The following LRRC9 variants were observed in gnomAD, a reference collection of about 807,000 sequenced individuals.
LRRC9 encodes the protein leucine rich repeat containing 9, also known as leucine-rich repeat-containing protein 9.
In LRRC9, 122 loss-of-function variants were observed where a neutral mutation model predicts 63.2. The ratio of observed to expected loss-of-function variants is 1.93; its 90% CI spans 1.67 to 2.24. The LOEUF (loss-of-function observed/expected upper bound fraction) is 2.24, where lower values mean the gene tolerates loss of function less well. LRRC9 is among the 30% of genes most tolerant of loss of function. The probability of loss-of-function intolerance (pLI) is 0.00; values close to 1 mark genes in which losing one functional copy is unlikely to be tolerated. For missense variants in LRRC9, 1,071 were observed against 627.7 expected (o/e 1.71, Z -7.55); for synonymous variants, 366 against 213.1 (o/e 1.72, Z -6.25).
intron 12 of LRRC9, among the ~76,000 whole-genome samples, chr14:59,970,753 T>C (rs1427084556): frequency 1.3e-5 from 2 of 152,184 alleles, no homozygotes; most frequent in African/African-American, 4.8e-5. Flanking sequence ...TCTGTTCATA[T>C]CCTTTGCCCA....
intron 29 of LRRC9, among the ~76,000 whole-genome samples, chr14:60,032,553 G>A (rs191657563): frequency 6.6e-6 from 1 of 152,116 alleles, no homozygotes; most frequent in Admixed American, 6.6e-5. Flanking sequence ...AATTAGTTTG[G>A]GGAGACATTT....
rs1881405872 is a variant in LRRC9, at chr14:59,938,978, CAT to C, written c.726+412_726+413del. On this transcript the variant is annotated intron_variant, in intron 7 of 31. Coordinates refer to ENST00000445360, the Ensembl canonical transcript of LRRC9. This position sits in a 1 kb window ranked among gnomAD's most constrained non-coding sequence, Gnocchi z 4.2. Reference sequence around the variant, plus strand: ...ATATACACACATATATACATATATACATATATACACACATATATACATATACA... The same window carrying C: ...ATATACACACATATATACATATATACATATACACACATATATACATATACA... Among the ~76,000 whole-genome samples, 1 of 145,084 alleles carries C rather than the reference CAT, an allele frequency of 6.9e-6. No individual in the cohort carries two copies. The highest frequency in any genetic ancestry group is 2.5e-5 in the African/African-American group (1 of 39,364).
In LRRC9 at chr14:59,990,761, C is replaced by A. The variant is rs1281939924; in HGVS notation, c.2211+5537C>A. ...TGAACTCATCTGGTATTGAAGAGAA[C>A]AAAACTCCTCCCTATTTCAATTGCT... On this transcript the variant is annotated intron_variant, in intron 17 of 31. Transcript: ENST00000445360. This position sits in a 1 kb window ranked among gnomAD's most constrained non-coding sequence, Gnocchi z 4.2. Among the ~76,000 whole-genome samples the A allele has an allele frequency of 6.6e-6, 1 of 152,150 alleles. No homozygotes were observed. Among genetic ancestry groups the A allele is most frequent in the Non-Finnish European group, 1.5e-5 (1 of 68,014 alleles).
intron 29 of LRRC9, among the ~76,000 whole-genome samples, chr14:60,047,562 T>C (rs1893538518): frequency 1.3e-5 from 2 of 152,156 alleles, no homozygotes; most frequent in Admixed American, 1.3e-4. Context: ...ACAAGAGCAT[T>C]ACATAATGGT....
At chr14:59,998,817 G>C (rs1298488524) in intron 18 of LRRC9, among the ~76,000 whole-genome samples, 1 of 151,978 alleles carries the variant, frequency 6.6e-6, no homozygotes, top group East Asian at 1.9e-4. Flanking sequence ...AGATAAACAG[G>C]AGTCACTACA....
Position 59,922,090 on chromosome 14 carries a change from A to AAAAT in LRRC9, c.-34+2222_-34+2225dup, listed in dbSNP as rs1409120791. On this transcript the variant is annotated intron_variant, in intron 1 of 31. Transcript: ENST00000445360. This position sits in a 1 kb window ranked among gnomAD's most constrained non-coding sequence, Gnocchi z 5.3. ...CAAAGTGAGATTCTGTCTCAAAAAA[A>AAAAT]AAATAAATAAATAAATAAGAAAGAA... Among the ~76,000 whole-genome samples the AAAAT allele has an allele frequency of 6.6e-5, 10 of 152,002 alleles. No individual in the cohort carries two copies. Among genetic ancestry groups the AAAAT allele is most frequent in the African/African-American group, 1.2e-4 (5 of 41,464 alleles).
Position 59,938,094 on chromosome 14 carries a change from A to G in LRRC9, c.544-296A>G, listed in dbSNP as rs2139820232. ...CAAGAGGGGCTGTGTAGGGGAAGCA[A>G]CTTATTAATGAATAAATGTGCTCAC... is the stretch of plus-strand genomic sequence containing the variant. On this transcript the variant is annotated intron_variant, in intron 6 of 31. Transcript: ENST00000445360. The surrounding 1 kb of genome is among the most constrained non-coding windows in gnomAD (Gnocchi z 4.2). 6.6e-6 allele frequency among the ~76,000 whole-genome samples: 1 copy of G among 152,220 alleles called. No individual in the cohort carries two copies. Among genetic ancestry groups the G allele is most frequent in the African/African-American group, 2.4e-5 (1 of 41,548 alleles).
chr14:59,961,652 A>G (rs1884364276), intron 10 of LRRC9, among the ~76,000 whole-genome samples: 1 of 152,148 alleles, frequency 6.6e-6, no homozygotes. Flanking sequence ...ACAAAAATGG[A>G]GAGACACCAG....
Position 59,922,542 on chromosome 14 carries a change from G to T in LRRC9, c.-34+2659G>T, listed in dbSNP as rs1382957812. Among the ~76,000 whole-genome samples, 1 of 152,184 alleles carries T rather than the reference G, an allele frequency of 6.6e-6. No homozygotes were observed. Among genetic ancestry groups the T allele is most frequent in the East Asian group, 1.9e-4 (1 of 5,204 alleles). On this transcript the variant is annotated intron_variant, in intron 1 of 31. Transcript: ENST00000445360. The surrounding 1 kb of genome is among the most constrained non-coding windows in gnomAD (Gnocchi z 5.3). ...ATAAATGAAAGAGGAAAATTTGACAGCAGTATTCTGAAAGAGACAGATAAG... is the reference window on the plus strand; with the variant it reads ...ATAAATGAAAGAGGAAAATTTGACATCAGTATTCTGAAAGAGACAGATAAG...
intron 28 of LRRC9, chr14:60,030,509 T>C (rs1490145605): frequency 3.9e-5 from 6 of 152,076 alleles, no homozygotes; most frequent in Admixed American, 2.6e-4. Flanking sequence ...TTTAAACATA[T>C]AATTAATCAC....
intron 6 of LRRC9, among the ~76,000 whole-genome samples, chr14:59,933,796 G>C (rs1418619290): frequency 6.6e-6 from 1 of 152,120 alleles, no homozygotes; most frequent in South Asian, 2.1e-4. Context: ...CTAAGACGGG[G>C]AAAACAATAT....
intron 29 of LRRC9, among the ~76,000 whole-genome samples, chr14:60,043,221 A>T (rs1893106641): frequency 6.6e-6 from 1 of 152,232 alleles, no homozygotes; most frequent in Non-Finnish European, 1.5e-5. Context: ...TTCTAAGCAT[A>T]GGATCACAGT....
exon 18 of LRRC9, chr14:59,997,811 T>C: frequency 1.4e-6 from 1 of 700,954 alleles, no homozygotes; most frequent in Non-Finnish European, 2.6e-6. Context: ...CCACAAGCCT[T>C]CTCACTCTTG....
chr14:60,037,215 A>G (rs1190959162), intron 29 of LRRC9, among the ~76,000 whole-genome samples: 2 of 152,146 alleles, frequency 1.3e-5, no homozygotes, highest in East Asian at 1.9e-4. Context: ...GAATAGTGCC[A>G]CAATAAACAT....
chr14:59,958,635 G>A lies in LRRC9; in HGVS notation c.883-1183G>A, dbSNP rs1407099431. The stretch of plus-strand genomic sequence containing the variant: ...AGTCCGCTTTGCAGGGGAGTGAAAG[G>A]TTCTCTCTCGCTGGGGTTCCAGGTT... On this transcript the variant is annotated intron_variant, in intron 8 of 31. Transcript: ENST00000445360. The surrounding 1 kb of genome is among the most constrained non-coding windows in gnomAD (Gnocchi z 4.0). Among the ~76,000 whole-genome samples the A allele has an allele frequency of 1.3e-5, 2 of 152,214 alleles. No homozygotes were observed. The highest frequency in any genetic ancestry group is 2.9e-5 in the Non-Finnish European group (2 of 68,044).
intron 17 of LRRC9, among the ~76,000 whole-genome samples, chr14:59,997,183 T>C (rs1185792264): frequency 5.3e-5 from 8 of 152,090 alleles, no homozygotes; most frequent in Non-Finnish European, 8.8e-5. Context: ...GGAACATGTG[T>C]TACTTTTATG....
At chr14:59,978,846 G>A (rs540790799) in intron 15 of LRRC9, among the ~76,000 whole-genome samples, 1 of 152,174 alleles carries the variant, frequency 6.6e-6, no homozygotes, top group Admixed American at 6.5e-5. Context: ...GTTAGATTTT[G>A]CCAAATTCTC....
intron 29 of LRRC9, among the ~76,000 whole-genome samples, chr14:60,050,529 G>A (rs894825318): frequency 2.6e-5 from 4 of 152,182 alleles, no homozygotes; most frequent in African/African-American, 4.8e-5. Flanking sequence ...TTAGCTCAGC[G>A]AAGTTCGTTA....
At chr14:59,945,261 C>A (rs1882237742) in intron 8 of LRRC9, among the ~76,000 whole-genome samples, 1 of 151,560 alleles carries the variant, frequency 6.6e-6, no homozygotes. Context: ...AATTGGATTT[C>A]TTTTACTAAA....
Sources: gnomAD v4.1 joint callset for allele counts (sites outside exome capture counted in the v4.1 genomes callset) on GRCh38, gnomAD v4.1.1 for gene constraint, Gnocchi (gnomAD v3.1) non-coding constraint, MANE v1.5 for transcripts, NCBI Gene and HGNC (gene_info 2026-07-23, HGNC 2026-07-21) for gene names.